The following CLSTN1 variants were observed in gnomAD, a reference collection of about 807,000 sequenced individuals.
The protein encoded by CLSTN1 is calsyntenin-1.
Under a neutral mutation model 108.3 loss-of-function variants are expected in CLSTN1, and 28 were observed. The ratio of observed to expected loss-of-function variants is 0.26; its 90% CI spans 0.19 to 0.35. The LOEUF (loss-of-function observed/expected upper bound fraction) is 0.35. Ranked by LOEUF, CLSTN1 falls within the 10% of genes least tolerant of loss-of-function variation. CLSTN1 has a pLI of 1.00. For missense variants in CLSTN1, 1,157 were observed against 1,302.6 expected (o/e 0.89, Z 1.72); for synonymous variants, 524 against 534.9 (o/e 0.98, Z 0.28).
At chr1:9,767,313 C>T (rs571088646) in intron 2 of CLSTN1, among the ~76,000 whole-genome samples, 2 of 152,104 alleles carry the variant, frequency 1.3e-5, no homozygotes, top group Non-Finnish European at 2.9e-5. Flanking sequence ...GAGGCCGAGG[C>T]GGGCAGACTG....
chr1:9,730,419 G>C lies in CLSTN1; in HGVS notation c.*89C>G, dbSNP rs1267647793. 4 of 1,288,246 alleles carry C rather than the reference G, an allele frequency of 3.1e-6. No homozygotes were observed. The highest frequency in any genetic ancestry group is 1.4e-5 in the African/African-American group (1 of 68,970). 79.8% of individuals were successfully genotyped at this position (1,288,246 alleles called of 1,614,324 possible). On this transcript the variant is annotated 3_prime_UTR_variant, in exon 19 of 19. Transcript: ENST00000377298. The surrounding 1 kb of genome is among the most constrained non-coding windows in gnomAD (Gnocchi z 5.6). ...GGTCTGCACACCTACTGGCCGAAAT[G>C]ACTTTGTACATCGTGGACCCTTGGG...
Position 9,734,952 on chromosome 1 carries a change from G to T in CLSTN1, c.2106C>A (p.Pro702=). The T allele has an allele frequency of 6.2e-7, 1 of 1,613,922 alleles. No individual in the cohort carries two copies. The highest frequency in any genetic ancestry group is 8.5e-7 in the Non-Finnish European group (1 of 1,179,848). ...VEPEGDGAED[P]TVQESLVSEE... is the part of the protein sequence containing the mutation. ...GCGCCCCACAGAGCACATTACCTGT[G>T]GGGTCCTCAGCCCCGTCCCCTTCAG... Residue 702 remains proline (P), a synonymous_variant, in exon 14 of 19, where the codon CCC becomes CCA. Coordinates refer to ENST00000377298, the MANE Select transcript of CLSTN1 (RefSeq NM_001009566.3). The surrounding 1 kb of genome is among the most constrained non-coding windows in gnomAD (Gnocchi z 4.8).
intron 2 of CLSTN1, among the ~76,000 whole-genome samples, chr1:9,764,098 G>GAGAA (rs998876458): frequency 3.3e-5 from 5 of 149,590 alleles, no homozygotes; most frequent in African/African-American, 1.0e-4. Context: ...CATGGTGAGG[G>GAGAA]AGAAAGAAAG....
chr1:9,777,877 G>A (rs1183254811), intron 1 of CLSTN1, among the ~76,000 whole-genome samples: 1 of 152,070 alleles, frequency 6.6e-6, no homozygotes, highest in Non-Finnish European at 1.5e-5. Flanking sequence ...TCCTGCCAGG[G>A]TTTCAGGGAC....
chr1:9,809,021 C>T (rs900786757), intron 1 of CLSTN1, among the ~76,000 whole-genome samples: 18 of 152,158 alleles, frequency 1.2e-4, no homozygotes, highest in African/African-American at 4.3e-4. Context: ...TTTGTTCTCC[C>T]TTTGTCCCTG....
chr1:9,735,144 G>A lies in CLSTN1; in HGVS notation c.1914C>T (p.Val638=), dbSNP rs751082286. 1.2e-6 allele frequency: 2 copies of A among 1,614,194 alleles called. No homozygotes were observed. Among genetic ancestry groups the A allele is most frequent in the South Asian group, 1.1e-5 (1 of 91,076 alleles). Residue 638 remains valine (V), a synonymous_variant, in exon 14 of 19, where the codon GTC becomes GTT. Coordinates refer to ENST00000377298, the MANE Select transcript of CLSTN1 (RefSeq NM_001009566.3). ...CCATCACGTAGCCATCTACCGGGGGGACCGAAATGCAGGTGGCCTCGTTAA... is the reference window on the plus strand; with the variant it reads ...CCATCACGTAGCCATCTACCGGGGGAACCGAAATGCAGGTGGCCTCGTTAA... The part of the protein sequence containing the change: ...KCFNEATCIS[V]PPVDGYVMVL...
chr1:9,780,019 A>AT (rs1653166631), intron 1 of CLSTN1, among the ~76,000 whole-genome samples: 1 of 151,892 alleles, frequency 6.6e-6, no homozygotes, highest in Admixed American at 6.6e-5. Flanking sequence ...CACTCGGCTA[A>AT]TTTTTTTGTA....
chr1:9,783,823 T>C (rs576799753), intron 1 of CLSTN1, among the ~76,000 whole-genome samples: 3 of 152,222 alleles, frequency 2.0e-5, no homozygotes, highest in African/African-American at 4.8e-5. Flanking sequence ...TGAAACCCTG[T>C]CTCTACTAAA....
At chr1:9,796,245 G>A (rs1192846886) in intron 1 of CLSTN1, among the ~76,000 whole-genome samples, 1 of 139,942 alleles carries the variant, frequency 7.1e-6, no homozygotes, top group Non-Finnish European at 1.5e-5. Flanking sequence ...CTGGGCGACA[G>A]GGCAAGACTG....
At chr1:9,805,028 G>A (rs963021881) in intron 1 of CLSTN1, among the ~76,000 whole-genome samples, 2 of 151,584 alleles carry the variant, frequency 1.3e-5, no homozygotes, top group African/African-American at 4.9e-5. Context: ...AGTGAGGCAG[G>A]AGAATCACTT....
chr1:9,745,798 C>A lies in CLSTN1; in HGVS notation c.986-1155G>T, dbSNP rs1469518700. Among the ~76,000 whole-genome samples, 16 of 110,452 alleles carry A rather than the reference C, an allele frequency of 1.4e-4. No individual in the cohort carries two copies. The Admixed American group carries it at 2.0e-3, about 14-fold the overall frequency. The allele number at this position is 110,452 out of a possible 152,430, so 72.5% of individuals were successfully genotyped here. On this transcript the variant is annotated intron_variant, in intron 7 of 18. Coordinates refer to ENST00000377298, the MANE Select transcript of CLSTN1 (RefSeq NM_001009566.3). ...TTTTTTTTTTTTTTTGAGACAGGGT[C>A]TCCTCTCTCGCCCAGGCTGCAGTGC...
rs542394633 is a variant in CLSTN1 at position 9,758,134 on chromosome 1, C to T, written c.215-1624G>A. On this transcript the variant is annotated intron_variant, in intron 2 of 18. Transcript: ENST00000377298. The stretch of plus-strand genomic sequence containing the variant: ...TCAGCTTCCTCAGTAGCTGGGATTA[C>T]AGGCATGCACCACCATGCCTGGCTA... Among the ~76,000 whole-genome samples, 880 of 152,078 alleles carry T rather than the reference C, an allele frequency of 5.8e-3. 11 individuals carry two copies. Among genetic ancestry groups the T allele is most frequent in the African/African-American group, 0.02 (816 of 41,462 alleles).
rs1451978692 is a variant in CLSTN1, at chr1:9,730,153, T to G, written c.*355A>C. Reference sequence around the variant, plus strand: ...GTGGGAGTGAGCATGTTTTACCCTTTGTCAACGAGCCCAGCTGGCATGGCT... The same window carrying G: ...GTGGGAGTGAGCATGTTTTACCCTTGGTCAACGAGCCCAGCTGGCATGGCT... On this transcript the variant is annotated 3_prime_UTR_variant, in exon 19 of 19. Transcript: ENST00000377298. The surrounding 1 kb of genome is among the most constrained non-coding windows in gnomAD (Gnocchi z 5.6). 2 of 350,382 alleles carry G rather than the reference T, an allele frequency of 5.7e-6. No individual in the cohort carries two copies. The highest frequency in any genetic ancestry group is 1.1e-5 in the Non-Finnish European group (2 of 188,724). The allele number at this position is 350,382 out of a possible 1,614,324, so 21.7% of individuals were successfully genotyped here. A position where few individuals can be genotyped will look rare whatever the true frequency, so the allele number is the denominator to read the frequency against.
At chr1:9,739,333 G>A (rs1650853330) in intron 10 of CLSTN1, among the ~76,000 whole-genome samples, 1 of 152,228 alleles carries the variant, frequency 6.6e-6, no homozygotes, top group South Asian at 2.1e-4. Context: ...TTACACCACT[G>A]TTGGACCTGC....
At chr1:9,777,839 A>C (rs1318208160) in intron 1 of CLSTN1, among the ~76,000 whole-genome samples, 3 of 152,118 alleles carry the variant, frequency 2.0e-5, no homozygotes, top group Admixed American at 1.3e-4. Context: ...ATAATGTCTT[A>C]ATATTGTTAC....
Position 9,823,564 on chromosome 1 carries a change from C to T in CLSTN1, c.91+79G>A. On this transcript the variant is annotated intron_variant, in intron 1 of 18. Coordinates refer to ENST00000377298, the MANE Select transcript of CLSTN1 (RefSeq NM_001009566.3). This position sits in a 1 kb window ranked among gnomAD's most constrained non-coding sequence, Gnocchi z 6.3. ...CTACTCCCGCACCCGGACCCGAATC[C>T]CCGCACCGGGACCCGAATCCTGCAC... The T allele has an allele frequency of 1.0e-6, 1 of 982,682 alleles. No homozygotes were observed. Among genetic ancestry groups the T allele is most frequent in the Non-Finnish European group, 1.3e-6 (1 of 784,090 alleles). The allele number at this position is 982,682 out of a possible 1,614,324, so 60.9% of individuals were successfully genotyped here.
At chr1:9,806,408 T>C (rs1466440912) in intron 1 of CLSTN1, among the ~76,000 whole-genome samples, 3 of 152,232 alleles carry the variant, frequency 2.0e-5, no homozygotes, top group Non-Finnish European at 4.4e-5. Context: ...CCTAAAGGGT[T>C]AGGTTGGGTT....
At chr1:9,812,391 G>A (rs1654796732) in intron 1 of CLSTN1, among the ~76,000 whole-genome samples, 1 of 152,184 alleles carries the variant, frequency 6.6e-6, no homozygotes, top group African/African-American at 2.4e-5. Context: ...CAGAGATGCA[G>A]CTGACAAGAG....
At chr1:9,745,457 G>C (rs936188006) in intron 7 of CLSTN1, among the ~76,000 whole-genome samples, 2 of 152,082 alleles carry the variant, frequency 1.3e-5, no homozygotes, top group African/African-American at 4.8e-5. Context: ...AGGAGTTGGA[G>C]ACCAGCCTGG....
Sources: gnomAD v4.1 joint callset for allele counts (sites outside exome capture counted in the v4.1 genomes callset) on GRCh38, gnomAD v4.1.1 for gene constraint, Gnocchi (gnomAD v3.1) non-coding constraint, MANE v1.5 for transcripts, NCBI Gene and HGNC (gene_info 2026-07-23, HGNC 2026-07-21) for gene names.